EHMT1: variants seen among roughly 807,000 people sequenced by gnomAD.
The protein encoded by EHMT1 is histone-lysine N-methyltransferase EHMT1.
A neutral mutation model predicts 147.2 loss-of-function variants in EHMT1; 15 were observed. That is an observed-to-expected ratio of 0.10 (90% CI 0.07 to 0.16). The LOEUF (loss-of-function observed/expected upper bound fraction) is 0.16. Ranked by LOEUF, EHMT1 falls within the 10% of genes least tolerant of loss-of-function variation. The probability of loss-of-function intolerance (pLI) is 1.00; values close to 1 mark genes in which losing one functional copy is unlikely to be tolerated. For synonymous variants in EHMT1, 795 were observed against 709.6 expected (o/e 1.12, Z -1.91); for missense variants, 1,587 against 1,772.4 (o/e 0.90, Z 1.88).
intron 22 of EHMT1, 96 bp downstream of exon 22, chr9:137,814,604 T>C: frequency 7.0e-7 from 1 of 1,423,502 alleles, no homozygotes; most frequent in Non-Finnish European, 9.8e-7. Flanking sequence ...AGCGCTGTCG[T>C]GGCAGCGTCG....
At chr9:137,802,850 G>C in intron 18 of EHMT1, 1 of 1,231,992 alleles carries the variant, frequency 8.1e-7, no homozygotes, top group East Asian at 3.2e-5. Flanking sequence ...TTCCCACTGC[G>C]GGTTAGGATG....
At chr9:137,771,619 G>A (rs1016676994) in intron 10 of EHMT1, among the ~76,000 whole-genome samples, 1 of 152,156 alleles carries the variant, frequency 6.6e-6, no homozygotes, top group African/African-American at 2.4e-5. Context: ...CACCACAGGC[G>A]AGCACCTTGC....
chr9:137,723,441 G>A (rs1276693980), intron 3 of EHMT1, among the ~76,000 whole-genome samples: 3 of 139,674 alleles, frequency 2.1e-5, no homozygotes, highest in African/African-American at 8.2e-5. Flanking sequence ...TGAGCCCGGG[G>A]TGTGCCCTGT....
In EHMT1 at chr9:137,716,898, A is replaced by G. The variant is rs369253537; in HGVS notation, c.358A>G (p.Ile120Val). The change falls in exon 3 of 27, where the codon ATC becomes GTC. Residue 120 changes from isoleucine to valine, a missense_variant. This residue lies in a region of EHMT1 where 810 missense variants were observed against 673.0 expected (regional missense o/e 1.20). Transcript: ENST00000460843. ...CGACGACTTTGTGCAGACTTCTGTCATCGGCAGCAACGGATACATCTTAAA... is the reference window on the plus strand; with the variant it reads ...CGACGACTTTGTGCAGACTTCTGTCGTCGGCAGCAACGGATACATCTTAAA... Reference protein sequence around the residue: ...TADDFVQTSVIGSNGYILNKP... With the variant: ...TADDFVQTSVVGSNGYILNKP... 18 of 1,613,038 alleles carry G rather than the reference A, an allele frequency of 1.1e-5. No individual in the cohort carries two copies. Among genetic ancestry groups the G allele is most frequent in the Non-Finnish European group, 1.4e-5 (17 of 1,179,908 alleles).
chr9:137,664,857 A>T (rs79218313), intron 1 of EHMT1: 298 of 152,272 alleles, frequency 2.0e-3, no homozygotes, highest in Non-Finnish European at 3.2e-3. Context: ...TTGGAGTCCC[A>T]TGTCTGGGTT....
chr9:137,783,627 A>T (rs920892168), intron 15 of EHMT1, among the ~76,000 whole-genome samples: 19 of 152,238 alleles, frequency 1.2e-4, no homozygotes, highest in African/African-American at 4.1e-4. Context: ...TGTCAGCTGT[A>T]GGGTGATCTG....
intron 1 of EHMT1, among the ~76,000 whole-genome samples, chr9:137,648,350 T>G (rs1845056908): frequency 6.6e-6 from 1 of 152,006 alleles, no homozygotes; most frequent in African/African-American, 2.4e-5. Flanking sequence ...GGATATAAAA[T>G]TGATACATTA....
intron 10 of EHMT1, among the ~76,000 whole-genome samples, chr9:137,769,037 A>G (rs1950429505): frequency 6.6e-6 from 1 of 152,148 alleles, no homozygotes; most frequent in Admixed American, 6.6e-5. Flanking sequence ...ATTTATTTCA[A>G]TATTGGCTTT....
At chr9:137,806,948 G>GT (rs993350215) in intron 18 of EHMT1, among the ~76,000 whole-genome samples, 10 of 152,136 alleles carry the variant, frequency 6.6e-5, no homozygotes, top group Admixed American at 3.9e-4. Flanking sequence ...CTTTTAAAAT[G>GT]TTTTTTCTGT....
At chr9:137,708,711 G>T (rs1187859956) in intron 1 of EHMT1, among the ~76,000 whole-genome samples, 1 of 152,134 alleles carries the variant, frequency 6.6e-6, no homozygotes, top group Non-Finnish European at 1.5e-5. Context: ...TTTCTTTGAG[G>T]CTCACTCTGT....
chr9:137,716,992 C>G lies in EHMT1; in HGVS notation c.452C>G (p.Ala151Gly). ...CTGGCCTCTTCGCTGCCTGGCCATG[C>G]TGCAAAAACCCTTCCTGGAGGGGCT... ...STLASSLPGH[A>G]AKTLPGGAGK... Residue 151 changes from alanine (A) to glycine (G), a missense_variant, in exon 3 of 27, where the codon GCT (alanine) becomes GGT (glycine). Physicochemically the swap from Ala to Gly is moderately conservative, Grantham distance 60. This residue lies in a region of EHMT1 where 810 missense variants were observed against 673.0 expected (regional missense o/e 1.20). Transcript: ENST00000460843. 1 of 1,608,026 alleles carries G rather than the reference C, an allele frequency of 6.2e-7. No individual in the cohort carries two copies. Among genetic ancestry groups the G allele is most frequent in the Non-Finnish European group, 8.5e-7 (1 of 1,176,148 alleles).
At chr9:137,670,540 C>T (rs1024848450) in intron 1 of EHMT1, among the ~76,000 whole-genome samples, 1 of 152,154 alleles carries the variant, frequency 6.6e-6, no homozygotes, top group Admixed American at 6.5e-5. Context: ...TCCCATCTGC[C>T]TCCCTCCTCT....
At chr9:137,798,324 C>T (rs779561198) in intron 16 of EHMT1, among the ~76,000 whole-genome samples, 1 of 151,986 alleles carries the variant, frequency 6.6e-6, no homozygotes, top group Non-Finnish European at 1.5e-5. Context: ...ATCACTTGAG[C>T]ATGGGAATCA....
chr9:137,813,045 C>T lies in EHMT1; in HGVS notation c.2907C>T (p.Asn969=), dbSNP rs1033407481. ...GGGATTCAGATGTCACCTTAAAGAACAAGGAAGGAGAGACGCCCCTGCAGT... is the reference window on the plus strand; with the variant it reads ...GGGATTCAGATGTCACCTTAAAGAATAAGGAAGGAGAGACGCCCCTGCAGT... ...LSRDSDVTLK[N]KEGETPLQCA... is the part of the protein sequence containing the mutation. Residue 969 remains asparagine (N), a synonymous_variant, in exon 20 of 27, where the codon AAC becomes AAT. Coordinates refer to ENST00000460843, the MANE Select transcript of EHMT1 (RefSeq NM_024757.5). This position sits in a 1 kb window ranked among gnomAD's most constrained non-coding sequence, Gnocchi z 4.9. The T allele has an allele frequency of 2.5e-6, 4 of 1,613,894 alleles. No homozygotes were observed. The highest frequency in any genetic ancestry group is 3.4e-6 in the Non-Finnish European group (4 of 1,180,036).
intron 15 of EHMT1, among the ~76,000 whole-genome samples, chr9:137,790,257 C>G (rs956325730): frequency 6.6e-6 from 1 of 152,216 alleles, no homozygotes; most frequent in Non-Finnish European, 1.5e-5. Flanking sequence ...AACAGCCAAA[C>G]AGCTGATTGG....
intron 8 of EHMT1, among the ~76,000 whole-genome samples, chr9:137,756,037 CG>C (rs1308077683): frequency 1.3e-5 from 2 of 152,158 alleles, no homozygotes; most frequent in African/African-American, 4.8e-5. Context: ...GAAGAGCAAA[CG>C]TTTTTAAGGT....
intron 1 of EHMT1, among the ~76,000 whole-genome samples, chr9:137,704,255 T>C (rs1944070093): frequency 6.6e-6 from 1 of 152,154 alleles, no homozygotes; most frequent in South Asian, 2.1e-4. Flanking sequence ...CTGTAAACAG[T>C]GAGGTTATGA....
intron 15 of EHMT1, chr9:137,788,617 TCTCTTGTCCC>T (rs1241434918): frequency 6.6e-6 from 1 of 152,266 alleles, no homozygotes; most frequent in Non-Finnish European, 1.5e-5. Context: ...GCTGCAGGTG[TCTCTTGTCCC>T]CTCGGGGACT....
At chr9:137,780,262 A>T (rs546323711) in intron 14 of EHMT1, among the ~76,000 whole-genome samples, 5,013 of 140,234 alleles carry the variant, frequency 0.036, 139 homozygotes, top group African/African-American at 0.058. Flanking sequence ...TGACGCTGGG[A>T]TGTGTGGTGA....
Sources: gnomAD v4.1 joint callset for allele counts (sites outside exome capture counted in the v4.1 genomes callset) on GRCh38, gnomAD v4.1.1 for gene constraint, gnomAD v4.1.1 regional missense constraint, Gnocchi (gnomAD v3.1) non-coding constraint, MANE v1.5 for transcripts, NCBI Gene and HGNC (gene_info 2026-07-23, HGNC 2026-07-21) for gene names.